Variants in ASIP observed in about 807,000 individuals in gnomAD.
The protein encoded by ASIP is agouti-signaling protein.
Under a neutral mutation model 10.3 loss-of-function variants are expected in ASIP, and 11 were observed. The ratio of observed to expected loss-of-function variants is 1.07; its 90% CI spans 0.68 to 1.78. The LOEUF (loss-of-function observed/expected upper bound fraction) is 1.78. Ranked by LOEUF, ASIP falls within the 40% of genes most tolerant of loss-of-function variation. ASIP has a pLI of 0.00. For missense variants in ASIP, 180 were observed against 169.2 expected, an observed-to-expected ratio of 1.06 and a Z score of -0.35; for synonymous variants, 70 against 70.8, an observed-to-expected ratio of 0.99 and a Z score of 0.06.
intron 1 of ASIP, among the ~76,000 whole-genome samples, chr20:34,259,222 CA>C (rs1321602935): frequency 1.4e-5 from 2 of 147,036 alleles, no homozygotes; most frequent in African/African-American, 5.1e-5. Flanking sequence ...CAAACAATGA[CA>C]ACAGAAAAAA....
intron 1 of ASIP, chr20:34,214,047 A>G: frequency 1.5e-6 from 2 of 1,336,338 alleles, no homozygotes; most frequent in Admixed American, 1.8e-5. Flanking sequence ...CCGGGTATTC[A>G]TTATTAACAA....
chr20:34,190,627 C>T (rs1480499517), upstream of ASIP, among the ~76,000 whole-genome samples: 1 of 152,078 alleles, frequency 6.6e-6, no homozygotes, highest in Admixed American at 6.5e-5. Context: ...TCACCCCCTT[C>T]CTCACTAAGG....
chr20:34,223,633 G>C (rs2035071112), intron 1 of ASIP, among the ~76,000 whole-genome samples: 1 of 146,146 alleles, frequency 6.8e-6, no homozygotes, highest in East Asian at 2.1e-4. Flanking sequence ...CGCCCCGTCC[G>C]GGAGGTGAGG....
intron 1 of ASIP, among the ~76,000 whole-genome samples, chr20:34,248,935 T>C (rs1286334773): frequency 2.0e-5 from 3 of 146,550 alleles, no homozygotes; most frequent in African/African-American, 5.1e-5. Context: ...CTGGGCAACA[T>C]GGTAAAACCC....
At chr20:34,237,795 T>C (rs2035229696), upstream of ASIP, among the ~76,000 whole-genome samples, 2 of 152,210 alleles carry the variant, frequency 1.3e-5, no homozygotes, top group African/African-American at 4.8e-5. Context: ...GTTTTTCATA[T>C]ATGGCTTTTA....
At chr20:34,190,950 G>A (rs2034821284), upstream of ASIP, among the ~76,000 whole-genome samples, 1 of 152,262 alleles carries the variant, frequency 6.6e-6, no homozygotes, top group East Asian at 1.9e-4. Flanking sequence ...GGTAAGGGAG[G>A]GACTGGAATG....
intron 1 of ASIP, among the ~76,000 whole-genome samples, chr20:34,222,686 G>C (rs1457213010): frequency 2.0e-5 from 3 of 152,024 alleles, no homozygotes; most frequent in African/African-American, 7.3e-5. Context: ...CCTCTCATGC[G>C]GAGCTGAAGC....
upstream of ASIP, among the ~76,000 whole-genome samples, chr20:34,240,573 G>A (rs1457552179): frequency 6.6e-6 from 1 of 152,164 alleles, no homozygotes; most frequent in Non-Finnish European, 1.5e-5. Context: ...AGGTCCCAAA[G>A]AGATTTTACT....
At chr20:34,258,673 C>CTATATATATATATATATATATATATATA (rs1568768595) in intron 1 of ASIP, among the ~76,000 whole-genome samples, 1 of 4,606 alleles carries the variant, frequency 2.2e-4, no homozygotes, top group Non-Finnish European at 6.0e-4. Context: ...AAGGGGGATG[C>CTATATATATATATATATATATATATATA]CATATATATA....
chr20:34,199,648 T>C (rs1161417694), intron 1 of ASIP, among the ~76,000 whole-genome samples: 1 of 152,226 alleles, frequency 6.6e-6, no homozygotes, highest in Non-Finnish European at 1.5e-5. Flanking sequence ...TGAACCCATT[T>C]CTCTACTAGG....
At chr20:34,239,043 T>TCCCAG (rs1211241540), upstream of ASIP, among the ~76,000 whole-genome samples, 2 of 152,144 alleles carry the variant, frequency 1.3e-5, no homozygotes, top group East Asian at 3.9e-4. Flanking sequence ...CCTGGCTAAT[T>TCCCAG]ATTTCTAAGG....
chr20:34,255,955 T>G (rs781563599), intron 1 of ASIP, among the ~76,000 whole-genome samples: 1 of 152,114 alleles, frequency 6.6e-6, no homozygotes, highest in African/African-American at 2.4e-5. Context: ...AGGCCTGACA[T>G]CAGTCAGGCC....
At chr20:34,247,393 C>T (rs1021375410) in intron 1 of ASIP, among the ~76,000 whole-genome samples, 2 of 150,778 alleles carry the variant, frequency 1.3e-5, no homozygotes, top group Non-Finnish European at 3.0e-5. Flanking sequence ...CTCCGCCTCC[C>T]GGGTTCAAGC....
At chr20:34,237,759 A>C (rs1221077050), upstream of ASIP, among the ~76,000 whole-genome samples, 7 of 152,086 alleles carry the variant, frequency 4.6e-5, no homozygotes, top group African/African-American at 1.7e-4. Flanking sequence ...TCATTCTTTC[A>C]TCATTGTGTA....
At chr20:34,215,739 CATG>C in intron 1 of ASIP, 1 of 1,470,936 alleles carries the variant, frequency 6.8e-7, no homozygotes, top group East Asian at 2.3e-5. Flanking sequence ...AAAAACTTTA[CATG>C]ATCATCACTA....
At chr20:34,188,548 T>A in the ASIP span, among the ~76,000 whole-genome samples, 5 of 152,208 alleles carry the variant, frequency 3.3e-5, no homozygotes, top group African/African-American at 1.2e-4. Context: ...AAAATAGACC[T>A]CAGAACTGGA....
intron 1 of ASIP, among the ~76,000 whole-genome samples, chr20:34,202,658 C>A (rs2034907562): frequency 6.6e-6 from 1 of 152,064 alleles, no homozygotes. Context: ...TCTGGAATCT[C>A]CATTCTTTTC....
intron 1 of ASIP, chr20:34,215,148 A>G: frequency 6.3e-7 from 1 of 1,594,040 alleles, no homozygotes; most frequent in Non-Finnish European, 8.6e-7. Flanking sequence ...TTACAACTTC[A>G]AATAAACAGT....
chr20:34,187,923 T>C, the ASIP span, among the ~76,000 whole-genome samples: 3 of 152,238 alleles, frequency 2.0e-5, no homozygotes, highest in African/African-American at 7.2e-5. Flanking sequence ...ATTATTCATA[T>C]AGTTCAGTCC....
Sources: gnomAD v4.1 joint callset for allele counts (sites outside exome capture counted in the v4.1 genomes callset) on GRCh38, gnomAD v4.1.1 for gene constraint, MANE v1.5 for transcripts, NCBI Gene and HGNC (gene_info 2026-07-23, HGNC 2026-07-21) for gene names.